SYNPR: variants seen among roughly 807,000 people sequenced by gnomAD.
SYNPR encodes the protein synaptoporin.
A neutral mutation model predicts 32.9 loss-of-function variants in SYNPR; 23 were observed. The observed-to-expected ratio is 0.70, with a 90% CI of 0.50 to 0.99. The LOEUF (loss-of-function observed/expected upper bound fraction) is 0.99, where lower values mean the gene tolerates loss of function less well. SYNPR is among the 50% of genes least tolerant of loss of function. The pLI, the probability that SYNPR is intolerant of heterozygous loss-of-function variation, is 0.00. For synonymous variants in SYNPR, 146 were observed against 135.9 expected (o/e 1.07, Z -0.52); for missense variants, 318 against 349.3 (o/e 0.91, Z 0.71).
rs1455668512 is a variant in SYNPR, at chr3:63,364,989, A to T, written c.84+86247A>T. On this transcript the variant is annotated intron_variant, in intron 2 of 5. Coordinates refer to ENST00000478300, the MANE Select transcript of SYNPR (RefSeq NM_001130003.2). ...GTTTAATAAATGGCATTAAGAATAA[A>T]GATAAATGAAAAGGTTGACTTTGGA... Among the ~76,000 whole-genome samples, 3 of 152,214 alleles carry T rather than the reference A, an allele frequency of 2.0e-5. No homozygotes were observed. The East Asian group carries it at 5.8e-4, about 29-fold the overall frequency.
intron 2 of SYNPR, among the ~76,000 whole-genome samples, chr3:63,378,686 A>G (rs2107064279): frequency 6.6e-6 from 1 of 151,900 alleles, no homozygotes; most frequent in Admixed American, 6.6e-5. Context: ...GTATTATCTT[A>G]TCCTCTTGAC....
At chr3:63,318,825 G>T (rs2087073788) in intron 2 of SYNPR, among the ~76,000 whole-genome samples, 1 of 152,004 alleles carries the variant, frequency 6.6e-6, no homozygotes, top group African/African-American at 2.4e-5. Context: ...GAGGGGTGTT[G>T]AAGAGGCTTG....
At chr3:63,480,009 G>T (rs1701014200) in intron 2 of SYNPR, among the ~76,000 whole-genome samples, 1 of 152,184 alleles carries the variant, frequency 6.6e-6, no homozygotes, top group South Asian at 2.1e-4. Context: ...AAATGACCAA[G>T]AAATTCTTTT....
chr3:63,372,345 G>A (rs2087826352), intron 2 of SYNPR, among the ~76,000 whole-genome samples: 1 of 151,970 alleles, frequency 6.6e-6, no homozygotes, highest in Non-Finnish European at 1.5e-5. Context: ...ATTTCCAGTA[G>A]CAATGGCTCT....
intron 2 of SYNPR, among the ~76,000 whole-genome samples, chr3:63,318,765 G>T (rs549778110): frequency 1.3e-5 from 2 of 151,956 alleles, no homozygotes; most frequent in Non-Finnish European, 2.9e-5. Flanking sequence ...AGGTAAACCA[G>T]GGATTTTTTC....
rs2086281983 is a variant in SYNPR, at chr3:63,245,715, G to GAA, written n.67-6784_67-6783insAA. On this transcript the variant is annotated intron_variant and non_coding_transcript_variant, in intron 1 of 4. Transcript: ENST00000478456. Reference sequence around the variant, plus strand: ...AGAGAGAGAGAGAGAGAGAGAGTGTGTGTGTGTGTGTGTGTGTGTGTGTGT... The same window carrying GAA: ...AGAGAGAGAGAGAGAGAGAGAGTGTGAATGTGTGTGTGTGTGTGTGTGTGTGT... Among the ~76,000 whole-genome samples, 6 of 52,228 alleles carry GAA rather than the reference G, an allele frequency of 1.1e-4. No homozygotes were observed. In the South Asian group the frequency reaches 3.5e-3, roughly 31 times the overall value. 34.3% of individuals were successfully genotyped at this position (52,228 alleles called of 152,430 possible). A position where few individuals can be genotyped will look rare whatever the true frequency, so the allele number is the denominator to read the frequency against.
intron 2 of SYNPR, among the ~76,000 whole-genome samples, chr3:63,436,367 G>A (rs1270995924): frequency 1.6e-5 from 2 of 122,486 alleles, no homozygotes; most frequent in South Asian, 2.5e-4. Context: ...AGTATGTGAC[G>A]TTCCCCTTCC....
intron 2 of SYNPR, among the ~76,000 whole-genome samples, chr3:63,261,368 A>G (rs977723536): frequency 6.6e-6 from 1 of 151,890 alleles, no homozygotes; most frequent in African/African-American, 2.4e-5. Context: ...CATATACACC[A>G]TGGGATACTA....
chr3:63,452,470 A>G (rs766175611), intron 2 of SYNPR, among the ~76,000 whole-genome samples: 5 of 152,204 alleles, frequency 3.3e-5, no homozygotes, highest in Non-Finnish European at 7.3e-5. Flanking sequence ...ATTAGTGCCC[A>G]TAAAACCTGA....
the SYNPR span, among the ~76,000 whole-genome samples, chr3:63,206,559 T>C: frequency 1.3e-5 from 2 of 151,684 alleles, no homozygotes; most frequent in African/African-American, 4.8e-5. Context: ...AGACTGTGTC[T>C]CAAAAAAAAA....
intron 2 of SYNPR, among the ~76,000 whole-genome samples, chr3:63,261,885 G>C (rs2106900927): frequency 6.6e-6 from 1 of 151,542 alleles, no homozygotes; most frequent in East Asian, 1.9e-4. Context: ...CGTGGGGTGG[G>C]GGGAGAGTGG....
Position 63,401,408 on chromosome 3 carries a change from A to G in SYNPR, c.85-79424A>G, listed in dbSNP as rs1479824259. Among the ~76,000 whole-genome samples, 3 of 152,218 alleles carry G rather than the reference A, an allele frequency of 2.0e-5. No homozygotes were observed. In the East Asian group the frequency reaches 5.8e-4, roughly 29 times the overall value. ...AAGGACAGTGATGATCATTATGTCT[A>G]TTGCCAAATAGAACTGTATAAGGCG... On this transcript the variant is annotated intron_variant, in intron 2 of 5. Coordinates refer to ENST00000478300, the MANE Select transcript of SYNPR (RefSeq NM_001130003.2).
chr3:63,432,037 T>C (rs6773908), intron 2 of SYNPR, among the ~76,000 whole-genome samples: 37,765 of 151,998 alleles, frequency 0.25, 4,995 homozygotes, highest in African/African-American at 0.36. Flanking sequence ...GGGAATTTGA[T>C]GCTTGCAGGA....
At chr3:63,547,402 T>C (rs1702426779) in intron 3 of SYNPR, among the ~76,000 whole-genome samples, 1 of 152,130 alleles carries the variant, frequency 6.6e-6, no homozygotes, top group Non-Finnish European at 1.5e-5. Context: ...CTGCCTTTTC[T>C]ACCCCAAATA....
rs13322284 is a variant in SYNPR at position 63,434,599 on chromosome 3, G to C, written c.85-46233G>C. 9.0e-3 allele frequency among the ~76,000 whole-genome samples: 1,367 copies of C among 152,248 alleles called. 21 individuals are homozygous for C. The highest frequency in any genetic ancestry group is 0.031 in the African/African-American group (1,290 of 41,552). The stretch of plus-strand genomic sequence containing the variant: ...TTTTTCTTCTTTCACTCTTATTACA[G>C]TACTAACAAGATTCTTGTAAAAACT... On this transcript the variant is annotated intron_variant, in intron 2 of 5. Coordinates refer to ENST00000478300, the MANE Select transcript of SYNPR (RefSeq NM_001130003.2).
At chr3:63,395,857 T>C (rs2088206481) in intron 2 of SYNPR, among the ~76,000 whole-genome samples, 1 of 152,184 alleles carries the variant, frequency 6.6e-6, no homozygotes, top group African/African-American at 2.4e-5. Flanking sequence ...TTCCTTGGAA[T>C]TTTACATTTT....
intron 2 of SYNPR, among the ~76,000 whole-genome samples, chr3:63,306,829 A>T (rs957911671): frequency 3.3e-5 from 5 of 151,984 alleles, no homozygotes; most frequent in African/African-American, 9.7e-5. Flanking sequence ...AGGCACATCC[A>T]TTGGTCTAGG....
chr3:63,413,671 G>T (rs1031994900), intron 2 of SYNPR, among the ~76,000 whole-genome samples: 4 of 152,120 alleles, frequency 2.6e-5, no homozygotes, highest in Non-Finnish European at 5.9e-5. Context: ...CATACTTTTG[G>T]CTTACCCCAT....
At chr3:63,385,060 C>A (rs781169351) in intron 2 of SYNPR, among the ~76,000 whole-genome samples, 1 of 152,154 alleles carries the variant, frequency 6.6e-6, no homozygotes, top group Admixed American at 6.5e-5. Flanking sequence ...ACAAACTATG[C>A]TTACAAACTT....
Sources: allele counts gnomAD v4.1 joint callset (sites outside exome capture counted in the v4.1 genomes callset), GRCh38; gene constraint gnomAD v4.1.1; transcripts MANE v1.5; gene names NCBI Gene and HGNC (gene_info 2026-07-23, HGNC 2026-07-21).